The following TSPEAR variants were observed in gnomAD, a reference collection of about 807,000 sequenced individuals.
TSPEAR encodes the protein thrombospondin type laminin G domain and EAR repeats.
TSPEAR carries 69 observed loss-of-function variants against 71.6 expected under a neutral mutation model. The ratio of observed to expected loss-of-function variants is 0.96; its 90% confidence interval spans 0.79 to 1.18. The LOEUF is 1.18. Among genes scored for constraint, TSPEAR ranks in the 50% most tolerant of loss-of-function variants. TSPEAR has a pLI of 0.00. For missense variants in TSPEAR, 971 were observed against 894.9 expected (o/e 1.09, Z -1.09); for synonymous variants, 402 against 387.2 (o/e 1.04, Z -0.45).
At chr21:44,670,161 A>G (rs1484402147) in intron 1 of TSPEAR, among the ~76,000 whole-genome samples, 2 of 152,240 alleles carry the variant, frequency 1.3e-5, no homozygotes, top group Non-Finnish European at 2.9e-5. Flanking sequence ...AATAAAGGGC[A>G]CATAATCCCA....
At chr21:44,650,647 C>T (rs781961754) in intron 1 of TSPEAR, among the ~76,000 whole-genome samples, 4 of 152,250 alleles carry the variant, frequency 2.6e-5, no homozygotes, top group Admixed American at 6.5e-5. Flanking sequence ...CCTCCAGAAC[C>T]GTGAGATGTG....
intron 1 of TSPEAR, among the ~76,000 whole-genome samples, chr21:44,638,877 C>T (rs587676849): frequency 2.6e-5 from 4 of 152,176 alleles, no homozygotes; most frequent in African/African-American, 9.6e-5. Flanking sequence ...CTCCACCCAG[C>T]AGCCTCACCC....
chr21:44,513,388 A>C (rs1397693792), intron 9 of TSPEAR, among the ~76,000 whole-genome samples: 1 of 152,212 alleles, frequency 6.6e-6, no homozygotes, highest in East Asian at 1.9e-4. Flanking sequence ...CCACTCCCAG[A>C]TTTTAAGCAC....
At chr21:44,530,743 C>T (rs1209263393) in intron 4 of TSPEAR, among the ~76,000 whole-genome samples, 1 of 152,208 alleles carries the variant, frequency 6.6e-6, no homozygotes, top group Non-Finnish European at 1.5e-5. Context: ...GAGCAGCAGG[C>T]CCTACTGAGG....
chr21:44,551,728 C>T (rs2053444401), intron 2 of TSPEAR, among the ~76,000 whole-genome samples: 2 of 152,122 alleles, frequency 1.3e-5, no homozygotes, highest in Non-Finnish European at 2.9e-5. Flanking sequence ...GGACCGGCGC[C>T]CCTGGCTGAG....
At chr21:44,677,779 A>G (rs922655808) in intron 1 of TSPEAR, 23 of 1,324,252 alleles carry the variant, frequency 1.7e-5, no homozygotes, top group Non-Finnish European at 2.2e-5. Flanking sequence ...GACTGAGTTG[A>G]TTTCTTTGGC....
Position 44,678,114 on chromosome 21 carries a change from A to G in TSPEAR, c.82+33319T>C, listed in dbSNP as rs1234272901. The G allele has an allele frequency of 4.9e-6, 3 of 616,302 alleles. No homozygotes were observed. In the East Asian group the frequency reaches 8.5e-5, roughly 17 times the overall value. 38.2% of individuals were successfully genotyped at this position (616,302 alleles called of 1,614,324 possible). A position where few individuals can be genotyped will look rare whatever the true frequency, so the allele number is the denominator to read the frequency against. The stretch of plus-strand genomic sequence containing the variant: ...GTCGAGCGGACGGTGCTGCTGGTGG[A>G]TGCGGGAGCTGCCATGGCGGCACGA... On this transcript the variant is annotated intron_variant, in intron 1 of 11. Coordinates refer to ENST00000323084, the MANE Select transcript of TSPEAR (RefSeq NM_144991.3).
intron 9 of TSPEAR, among the ~76,000 whole-genome samples, chr21:44,512,000 C>A (rs1203880815): frequency 6.6e-6 from 1 of 152,204 alleles, no homozygotes; most frequent in Non-Finnish European, 1.5e-5. Context: ...CTGCCCGGGG[C>A]CTTGGGGGCA....
intron 2 of TSPEAR, among the ~76,000 whole-genome samples, chr21:44,561,732 CAT>C (rs1375366976): frequency 2.0e-5 from 3 of 152,196 alleles, no homozygotes; most frequent in African/African-American, 4.8e-5. Context: ...ACGAAAACCA[CAT>C]GATTATCTCA....
At chr21:44,615,997 G>A (rs1982067591) in intron 1 of TSPEAR, among the ~76,000 whole-genome samples, 1 of 152,198 alleles carries the variant, frequency 6.6e-6, no homozygotes, top group Non-Finnish European at 1.5e-5. Flanking sequence ...TTGAGCAACA[G>A]GGTGTCCCCA....
chr21:44,505,028 C>T, intron 10 of TSPEAR, 147 bp from the exon 11 acceptor site: 1 of 610,146 alleles, frequency 1.6e-6, no homozygotes, highest in Non-Finnish European at 2.9e-6. Flanking sequence ...ATGTGTTGGT[C>T]TATTCCAGGA....
At position 44,601,319 on chromosome 21, in the gene TSPEAR, G is replaced by A. The variant is rs200217793; in HGVS notation, c.83-33314C>T. 1.2e-3 allele frequency: 1,970 copies of A among 1,611,198 alleles called. 3 individuals carry two copies. Among genetic ancestry groups the A allele is most frequent in the Non-Finnish European group, 1.4e-3 (1,618 of 1,178,806 alleles). On this transcript the variant is annotated intron_variant, in intron 1 of 11. Coordinates refer to ENST00000323084, the MANE Select transcript of TSPEAR (RefSeq NM_144991.3). Reference sequence around the variant, plus strand: ...CAGCAGGCCTGCTGTGTGCCTGTCTGCTGCAAGCCCGTCTGCTGTGTGCCC... The same window carrying A: ...CAGCAGGCCTGCTGTGTGCCTGTCTACTGCAAGCCCGTCTGCTGTGTGCCC...
chr21:44,507,976 T>C (rs2052243722), intron 10 of TSPEAR: 1 of 152,240 alleles, frequency 6.6e-6, no homozygotes, highest in Admixed American at 6.5e-5. Context: ...GTTCTTTTTT[T>C]AATTTTTAAA....
chr21:44,506,533 C>G lies in TSPEAR; in HGVS notation c.1755-1652G>C, dbSNP rs1375367524. On this transcript the variant is annotated intron_variant, in intron 10 of 11. Coordinates refer to ENST00000323084, the MANE Select transcript of TSPEAR (RefSeq NM_144991.3). This position sits in a 1 kb window ranked among gnomAD's most constrained non-coding sequence, Gnocchi z 4.2. ...GAGGGATCACAGAGGTGTCCAGTGACAGGCAGGGCGGGCAGAGCCCATGGG... is the reference window on the plus strand; with the variant it reads ...GAGGGATCACAGAGGTGTCCAGTGAGAGGCAGGGCGGGCAGAGCCCATGGG... 6.6e-6 allele frequency among the ~76,000 whole-genome samples: 1 copy of G among 152,232 alleles called. No individual in the cohort carries two copies. Among genetic ancestry groups the G allele is most frequent in the Non-Finnish European group, 1.5e-5 (1 of 68,042 alleles).
Position 44,646,952 on chromosome 21 carries a change from C to T in TSPEAR, c.82+64481G>A, listed in dbSNP as rs782094756. The T allele has an allele frequency of 1.9e-6, 3 of 1,612,856 alleles. No individual in the cohort carries two copies. The South Asian group carries it at 3.3e-5, about 18-fold the overall frequency. ...TGTGTGTCCACCTGCTCTGAGGATT[C>T]CTCTTCATGCTGCCAGCAGTCTAGC... On this transcript the variant is annotated intron_variant, in intron 1 of 11. Coordinates refer to ENST00000323084, the MANE Select transcript of TSPEAR (RefSeq NM_144991.3).
At chr21:44,678,319 T>C (rs1320160563) in intron 1 of TSPEAR, among the ~76,000 whole-genome samples, 1 of 152,036 alleles carries the variant, frequency 6.6e-6, no homozygotes, top group Non-Finnish European at 1.5e-5. Context: ...ACACCATCCC[T>C]CTTGGTGGTA....
In TSPEAR at chr21:44,531,082, G is replaced by C. The variant is rs150521283; in HGVS notation, c.594C>G (p.Phe198Leu). Residue 198 changes from phenylalanine (F) to leucine (L), a missense_variant, in exon 4 of 12, where the codon TTC becomes TTG. Coordinates refer to ENST00000323084, the MANE Select transcript of TSPEAR (RefSeq NM_144991.3). The stretch of plus-strand genomic sequence containing the variant: ...TGGCTCTCCTCCGGCTGCCGACGAA[G>C]AATCGAGCTCCTTTCACTGACAGGG... ...PATLSVKGAR[F>L]FVGSRRRAKG... The C allele has an allele frequency of 5.6e-6, 9 of 1,613,604 alleles. No homozygotes were observed. The highest frequency in any genetic ancestry group is 7.6e-6 in the Non-Finnish European group (9 of 1,179,976).
chr21:44,568,431 G>A (rs1037869908), intron 1 of TSPEAR, among the ~76,000 whole-genome samples: 1 of 152,226 alleles, frequency 6.6e-6, no homozygotes, highest in South Asian at 2.1e-4. Context: ...CTGTCTGCTG[G>A]CCTCCCTTGG....
At chr21:44,701,104 T>C (rs1036433913) in intron 1 of TSPEAR, among the ~76,000 whole-genome samples, 7 of 152,226 alleles carry the variant, frequency 4.6e-5, no homozygotes, top group Non-Finnish European at 1.0e-4. Flanking sequence ...ATTAGATTGC[T>C]GATTAAGATC....
Sources: allele counts gnomAD v4.1 joint callset (sites outside exome capture counted in the v4.1 genomes callset), GRCh38; gene constraint gnomAD v4.1.1; non-coding constraint Gnocchi (gnomAD v3.1); transcripts MANE v1.5; gene names NCBI Gene and HGNC (gene_info 2026-07-23, HGNC 2026-07-21).